LRP1B: variants seen among roughly 807,000 people sequenced by gnomAD.
The protein encoded by LRP1B is low-density lipoprotein receptor-related protein 1B.
LRP1B carries 217 observed loss-of-function variants against 556.6 expected under a neutral mutation model. The ratio of observed to expected loss-of-function variants is 0.39; its 90% CI spans 0.35 to 0.44. LRP1B has a LOEUF of 0.44. Among genes scored for constraint, LRP1B ranks in the 20% least tolerant of loss-of-function variants. The pLI, the probability that LRP1B is intolerant of heterozygous loss-of-function variation, is 1.00. For synonymous variants in LRP1B, 2,047 were observed against 1,865.8 expected (o/e 1.10, Z -2.50); for missense variants, 5,053 against 5,620.8 (o/e 0.90, Z 3.23).
At chr2:140,670,509 A>T (rs1439919876) in intron 41 of LRP1B, among the ~76,000 whole-genome samples, 1 of 152,160 alleles carries the variant, frequency 6.6e-6, no homozygotes, top group Non-Finnish European at 1.5e-5. Context: ...CTGGTGGAAG[A>T]TCTATTTAGG....
chr2:140,271,882 G>C (rs1682475863), intron 85 of LRP1B, among the ~76,000 whole-genome samples: 1 of 151,356 alleles, frequency 6.6e-6, no homozygotes, highest in African/African-American at 2.4e-5. Context: ...CAGCCTCTTT[G>C]AAAATAATAA....
At chr2:140,298,559 T>C (rs945520326) in intron 83 of LRP1B, among the ~76,000 whole-genome samples, 1 of 152,190 alleles carries the variant, frequency 6.6e-6, no homozygotes, top group Non-Finnish European at 1.5e-5. Flanking sequence ...TAATTTTGTC[T>C]AATTTTGATA....
Position 141,703,805 on chromosome 2 carries a change from C to T in LRP1B, c.205+106474G>A, listed in dbSNP as rs539860581. ...CAGAAACTCTGGCAGGGGGTTACAT[C>T]GGCCTAACTAGCTTTGTTCATTTGC... On this transcript the variant is annotated intron_variant, in intron 2 of 90. Coordinates refer to ENST00000389484, the MANE Select transcript of LRP1B (RefSeq NM_018557.3). 4.6e-5 allele frequency among the ~76,000 whole-genome samples: 7 copies of T among 151,972 alleles called. No individual in the cohort carries two copies. In the South Asian group the frequency reaches 6.2e-4, roughly 14 times the overall value.
chr2:140,946,433 C>G (rs1047187933), intron 20 of LRP1B, among the ~76,000 whole-genome samples: 4 of 152,012 alleles, frequency 2.6e-5, no homozygotes, highest in African/African-American at 9.7e-5. Flanking sequence ...AAACCCATCT[C>G]TATTAAATAT....
At chr2:141,833,983 G>A (rs760256503) in intron 1 of LRP1B, among the ~76,000 whole-genome samples, 1 of 151,700 alleles carries the variant, frequency 6.6e-6, no homozygotes, top group Non-Finnish European at 1.5e-5. Flanking sequence ...AAAAGTAAAG[G>A]GCATTGCAGA....
chr2:140,316,814 T>C (rs1023737710), intron 82 of LRP1B, among the ~76,000 whole-genome samples: 5 of 152,136 alleles, frequency 3.3e-5, no homozygotes, highest in Non-Finnish European at 5.9e-5. Flanking sequence ...CATACACACA[T>C]ATACACAAAT....
intron 2 of LRP1B, among the ~76,000 whole-genome samples, chr2:141,502,933 T>C (rs1302359717): frequency 6.6e-6 from 1 of 150,578 alleles, no homozygotes; most frequent in East Asian, 1.9e-4. Flanking sequence ...GTCATGAAGG[T>C]TGTAATTATA....
intron 44 of LRP1B, among the ~76,000 whole-genome samples, chr2:140,541,482 G>A (rs903723414): frequency 6.6e-6 from 1 of 152,092 alleles, no homozygotes; most frequent in Non-Finnish European, 1.5e-5. Flanking sequence ...TATGAAGAGT[G>A]AGGATGAAAT....
At chr2:141,717,807 A>G (rs1485517265) in intron 2 of LRP1B, among the ~76,000 whole-genome samples, 1 of 152,258 alleles carries the variant, frequency 6.6e-6, no homozygotes. Flanking sequence ...AAAGATTTCA[A>G]GGACAAGATA....
chr2:141,019,610 T>C (rs980734948), intron 12 of LRP1B, among the ~76,000 whole-genome samples: 3 of 152,094 alleles, frequency 2.0e-5, no homozygotes, highest in Admixed American at 1.3e-4. Context: ...AATGGATTGA[T>C]TCTCTGGTTG....
At chr2:142,077,246 G>C (rs1246770034) in intron 1 of LRP1B, among the ~76,000 whole-genome samples, 2 of 151,992 alleles carry the variant, frequency 1.3e-5, no homozygotes, top group African/African-American at 4.8e-5. Flanking sequence ...GTGATTTATG[G>C]CAACTTTAAC....
intron 27 of LRP1B, among the ~76,000 whole-genome samples, chr2:140,861,981 G>T (rs1692811660): frequency 6.6e-6 from 1 of 152,074 alleles, no homozygotes; most frequent in Non-Finnish European, 1.5e-5. Context: ...TTTTAGTGTT[G>T]CAGTTTCCAA....
intron 2 of LRP1B, among the ~76,000 whole-genome samples, chr2:141,636,691 A>G (rs1201126610): frequency 6.6e-6 from 1 of 152,098 alleles, no homozygotes; most frequent in Non-Finnish European, 1.5e-5. Context: ...AAGGTCCTAC[A>G]GTAGGAGAGT....
At chr2:141,534,461 G>T (rs552469932) in intron 2 of LRP1B, among the ~76,000 whole-genome samples, 10 of 152,188 alleles carry the variant, frequency 6.6e-5, no homozygotes, top group African/African-American at 2.2e-4. Context: ...CCCCATGATA[G>T]AAGCATTTGG....
chr2:141,240,541 T>G (rs1268501374), intron 5 of LRP1B, among the ~76,000 whole-genome samples: 1 of 152,108 alleles, frequency 6.6e-6, no homozygotes, highest in Non-Finnish European at 1.5e-5. Context: ...AATTTAAATG[T>G]GCTCCCTTTC....
intron 2 of LRP1B, among the ~76,000 whole-genome samples, chr2:141,594,231 T>TCAA (rs1298089977): frequency 1.3e-5 from 2 of 152,126 alleles, no homozygotes; most frequent in African/African-American, 4.8e-5. Flanking sequence ...TCATAAATTC[T>TCAA]CAACTCACTC....
chr2:141,474,017 T>A (rs62166297), intron 3 of LRP1B, among the ~76,000 whole-genome samples: 65,527 of 145,252 alleles, frequency 0.45, 14,949 homozygotes, highest in Non-Finnish European at 0.49. Flanking sequence ...CCTTCCTTCC[T>A]TCCTTCCTTC....
chr2:142,100,499 C>G (rs557874653), intron 1 of LRP1B, among the ~76,000 whole-genome samples: 5 of 152,090 alleles, frequency 3.3e-5, no homozygotes, highest in African/African-American at 1.2e-4. Context: ...CTGCCCCTTT[C>G]ATTTCTTTGG....
intron 43 of LRP1B, among the ~76,000 whole-genome samples, chr2:140,591,494 C>T (rs1416241305): frequency 6.6e-6 from 1 of 152,184 alleles, no homozygotes; most frequent in Non-Finnish European, 1.5e-5. Flanking sequence ...TCATATCTCC[C>T]TTTAAGACAA....
Sources: gnomAD v4.1 joint callset for allele counts (sites outside exome capture counted in the v4.1 genomes callset) on GRCh38, gnomAD v4.1.1 for gene constraint, MANE v1.5 for transcripts, NCBI Gene and HGNC (gene_info 2026-07-23, HGNC 2026-07-21) for gene names.